DAB1: variants seen among roughly 807,000 people sequenced by gnomAD.
The protein encoded by DAB1 is DAB adaptor protein 1.
DAB1 carries 15 observed loss-of-function variants against 64.6 expected under a neutral mutation model. The ratio of observed to expected loss-of-function variants is 0.23; its 90% CI spans 0.16 to 0.36. DAB1 has a LOEUF of 0.36. DAB1 is among the 10% of genes least tolerant of loss of function. The pLI is 1.00. For missense variants in DAB1, 596 were observed against 706.7 expected (o/e 0.84, Z 1.78); for synonymous variants, 235 against 251.9 (o/e 0.93, Z 0.64).
intron 1 of DAB1, among the ~76,000 whole-genome samples, chr1:57,302,843 T>G (rs1249686395): frequency 1.3e-5 from 2 of 152,140 alleles, no homozygotes; most frequent in African/African-American, 4.8e-5. Context: ...GGAATAAAGG[T>G]TAAGAGAACT....
chr1:57,811,796 T>C (rs899049094), intron 6 of DAB1, among the ~76,000 whole-genome samples: 10 of 152,086 alleles, frequency 6.6e-5, no homozygotes, highest in Non-Finnish European at 1.3e-4. Flanking sequence ...GAAACAAAAC[T>C]AGTGGATGGA....
intron 3 of DAB1, among the ~76,000 whole-genome samples, chr1:58,389,202 C>A (rs1379305503): frequency 6.6e-6 from 1 of 152,120 alleles, no homozygotes; most frequent in Non-Finnish European, 1.5e-5. Context: ...CTTTGGGAGG[C>A]CGAGTGGGGA....
rs1481162516 is a variant in DAB1 at position 57,015,706 on chromosome 1, T to C, written c.896-275A>G. 2.0e-5 allele frequency among the ~76,000 whole-genome samples: 3 copies of C among 152,226 alleles called. No homozygotes were observed. The East Asian group carries it at 5.8e-4, about 29-fold the overall frequency. Reference sequence around the variant, plus strand: ...CATTTCTGTAGTTGCTAAAAGTTTCTAAAGTCTCATAGCCTCAGAAGCTGT... The same window carrying C: ...CATTTCTGTAGTTGCTAAAAGTTTCCAAAGTCTCATAGCCTCAGAAGCTGT... On this transcript the variant is annotated intron_variant, in intron 11 of 14. Transcript: ENST00000371236.
intron 4 of DAB1, chr1:58,228,541 T>C (rs1277600819): frequency 7.5e-6 from 3 of 401,088 alleles, no homozygotes; most frequent in Non-Finnish European, 1.4e-5. Context: ...TGGTCCATTA[T>C]CGTGTGTGGA....
chr1:58,410,465 G>A (rs558999285), intron 3 of DAB1, among the ~76,000 whole-genome samples: 37 of 152,248 alleles, frequency 2.4e-4, no homozygotes, highest in South Asian at 1.2e-3. Context: ...GAGCTGAACC[G>A]ATGACTTCTA....
intron 5 of DAB1, among the ~76,000 whole-genome samples, chr1:57,953,868 T>G (rs1198873218): frequency 6.6e-6 from 1 of 152,096 alleles, no homozygotes; most frequent in Non-Finnish European, 1.5e-5. Context: ...GTCTCAATGG[T>G]TCAGATAACC....
intron 2 of DAB1, among the ~76,000 whole-genome samples, chr1:57,156,337 T>C (rs900591046): frequency 2.6e-5 from 4 of 152,162 alleles, no homozygotes; most frequent in African/African-American, 9.6e-5. Context: ...TCCAGCCTTA[T>C]GGGCTAGGCA....
intron 7 of DAB1, among the ~76,000 whole-genome samples, chr1:57,468,197 C>T (rs1687019456): frequency 6.6e-6 from 1 of 152,022 alleles, no homozygotes. Flanking sequence ...AGGAAGAGCT[C>T]AGTGAGTGAG....
At chr1:57,296,155 G>T (rs137940654) in intron 1 of DAB1, among the ~76,000 whole-genome samples, 4 of 152,124 alleles carry the variant, frequency 2.6e-5, no homozygotes, top group Admixed American at 2.0e-4. Context: ...TGCAGATATT[G>T]TTGGGAGCCA....
At chr1:57,741,710 G>A (rs1040019161) in intron 6 of DAB1, among the ~76,000 whole-genome samples, 2 of 152,230 alleles carry the variant, frequency 1.3e-5, no homozygotes, top group Non-Finnish European at 2.9e-5. Flanking sequence ...AGAAGACAGA[G>A]CTCTCAGAAT....
chr1:57,791,313 T>A (rs1387350688), intron 6 of DAB1, among the ~76,000 whole-genome samples: 6 of 152,226 alleles, frequency 3.9e-5, no homozygotes, highest in Admixed American at 3.9e-4. Context: ...ATACATACTA[T>A]GATCCTTTTA....
At chr1:57,915,276 T>C (rs974456075) in intron 5 of DAB1, among the ~76,000 whole-genome samples, 5 of 152,136 alleles carry the variant, frequency 3.3e-5, no homozygotes, top group Non-Finnish European at 7.4e-5. Flanking sequence ...TTTCTGATAA[T>C]AAGCATGTAT....
intron 2 of DAB1, among the ~76,000 whole-genome samples, chr1:57,187,267 T>C (rs374154458): frequency 2.6e-5 from 4 of 152,216 alleles, no homozygotes; most frequent in East Asian, 1.9e-4. Context: ...ACCAATAGGA[T>C]CTCATTGCAT....
intron 3 of DAB1, among the ~76,000 whole-genome samples, chr1:58,370,712 C>T (rs1644258200): frequency 6.6e-6 from 1 of 152,118 alleles, no homozygotes; most frequent in African/African-American, 2.4e-5. Flanking sequence ...ATGATTGAAT[C>T]ATGGGGCAGT....
At chr1:57,948,857 A>C (rs1645223205) in intron 5 of DAB1, among the ~76,000 whole-genome samples, 1 of 152,184 alleles carries the variant, frequency 6.6e-6, no homozygotes, top group African/African-American at 2.4e-5. Flanking sequence ...CTTTGTTTAG[A>C]TCTTGAATCA....
At chr1:58,462,995 G>C (rs1295350523) in intron 3 of DAB1, among the ~76,000 whole-genome samples, 1 of 152,142 alleles carries the variant, frequency 6.6e-6, no homozygotes, top group African/African-American at 2.4e-5. Context: ...TAGGATGATT[G>C]TAAGACTCAA....
chr1:58,329,024 T>C (rs1662912183), intron 4 of DAB1, among the ~76,000 whole-genome samples: 1 of 152,258 alleles, frequency 6.6e-6, no homozygotes, highest in African/African-American at 2.4e-5. Flanking sequence ...TGTATGTGCT[T>C]GGTTGTTCAT....
intron 1 of DAB1, chr1:58,539,371 A>G (rs985931024): frequency 4.3e-6 from 3 of 703,848 alleles, no homozygotes; most frequent in South Asian, 3.7e-5. Flanking sequence ...AACTGGGACT[A>G]TAACACTTAT....
chr1:58,244,787 T>C (rs570549645), intron 4 of DAB1, among the ~76,000 whole-genome samples: 103 of 152,186 alleles, frequency 6.8e-4, no homozygotes, highest in Admixed American at 1.2e-3. Flanking sequence ...CTAAGAGTCA[T>C]AACACTATTC....
Sources: allele counts gnomAD v4.1 joint callset (sites outside exome capture counted in the v4.1 genomes callset), GRCh38; gene constraint gnomAD v4.1.1; transcripts MANE v1.5; gene names NCBI Gene and HGNC (gene_info 2026-07-23, HGNC 2026-07-21).